Variants in RAB2A observed in about 807,000 individuals in gnomAD.
RAB2A encodes RAB2A, member RAS oncogene family.
A neutral mutation model predicts 32.5 loss-of-function variants in RAB2A; 7 were observed. The observed-to-expected ratio is 0.22, with a 90% CI of 0.12 to 0.40. The LOEUF (loss-of-function observed/expected upper bound fraction) is 0.40, where lower values mean the gene tolerates loss of function less well. RAB2A is among the 10% of genes least tolerant of loss of function. The pLI is 1.00. For synonymous variants in RAB2A, 79 were observed against 85.2 expected, an observed-to-expected ratio of 0.93 and a Z score of 0.40; for missense variants, 108 against 260.7, an observed-to-expected ratio of 0.41 and a Z score of 4.03.
intron 1 of RAB2A, among the ~76,000 whole-genome samples, chr8:60,533,996 C>T (rs1807519967): frequency 6.6e-6 from 1 of 151,966 alleles, no homozygotes; most frequent in Admixed American, 6.6e-5. Flanking sequence ...ACAACAACAA[C>T]AACAAAAAGA....
At chr8:60,584,682 A>G in intron 4 of RAB2A, 41 bp from the exon 5 acceptor site, 2 of 1,482,626 alleles carry the variant, frequency 1.3e-6, no homozygotes, top group Non-Finnish European at 1.9e-6. Flanking sequence ...TACTGAGGGA[A>G]ATGCTTTGAA....
In RAB2A at chr8:60,572,053, G is replaced by A. The variant is rs781309549; in HGVS notation, c.126G>A (p.Glu42=). The stretch of plus-strand genomic sequence containing the variant: ...ATTTCCTACTCTATTTAGGTGTAGA[G>A]TTCGGTGCTCGAATGATAACTATTG... The part of the protein sequence containing the change: ...QPVHDLTIGV[E]FGARMITIDG... The change falls in exon 3 of 8, where the codon GAG becomes GAA. Residue 42 remains glutamate, a synonymous_variant. Coordinates refer to ENST00000262646, the MANE Select transcript of RAB2A (RefSeq NM_002865.3). 31 of 1,468,410 alleles carry A rather than the reference G, an allele frequency of 2.1e-5. 1 individual carries two copies. The South Asian group carries it at 3.7e-4, about 18-fold the overall frequency. 91.0% of individuals were successfully genotyped at this position (1,468,410 alleles called of 1,614,324 possible).
chr8:60,530,203 C>CAG, intron 1 of RAB2A, among the ~76,000 whole-genome samples: 1 of 146,900 alleles, frequency 6.8e-6, no homozygotes, highest in Non-Finnish European at 1.5e-5. Flanking sequence ...GGCTGGAGTG[C>CAG]AGTGACACAG....
At chr8:60,605,032 A>G (rs1804201454) in intron 6 of RAB2A, among the ~76,000 whole-genome samples, 1 of 152,170 alleles carries the variant, frequency 6.6e-6, no homozygotes, top group South Asian at 2.1e-4. Context: ...GAGGCCTAGG[A>G]AGGAAGAATG....
intron 1 of RAB2A, among the ~76,000 whole-genome samples, chr8:60,536,248 A>G (rs1247241692): frequency 6.6e-6 from 1 of 152,192 alleles, no homozygotes; most frequent in African/African-American, 2.4e-5. Flanking sequence ...GTCTATGGGA[A>G]TTTAGCAGTT....
intron 1 of RAB2A, among the ~76,000 whole-genome samples, chr8:60,540,184 C>T (rs554640122): frequency 6.7e-6 from 1 of 150,006 alleles, no homozygotes; most frequent in African/African-American, 2.5e-5. Flanking sequence ...CTGTCTCATC[C>T]ATTCTCTTTT....
At chr8:60,561,884 A>T (rs1348021152) in intron 2 of RAB2A, among the ~76,000 whole-genome samples, 1 of 152,078 alleles carries the variant, frequency 6.6e-6, no homozygotes, top group Non-Finnish European at 1.5e-5. Flanking sequence ...TCATGTCCTT[A>T]TCTTTTGTCC....
chr8:60,567,036 T>C (rs916554555), intron 2 of RAB2A, among the ~76,000 whole-genome samples: 17 of 152,192 alleles, frequency 1.1e-4, no homozygotes, highest in Non-Finnish European at 2.5e-4. Flanking sequence ...CCTAATACCT[T>C]TGTAATATGT....
chr8:60,572,559 T>A lies in RAB2A; in HGVS notation c.186+446T>A, dbSNP rs554352325. 2.6e-5 allele frequency among the ~76,000 whole-genome samples: 4 copies of A among 152,342 alleles called. No individual in the cohort carries two copies. In the South Asian group the frequency reaches 8.3e-4, roughly 32 times the overall value. The stretch of plus-strand genomic sequence containing the variant: ...TTCTGTCATACCCTTGTTCATTGAG[T>A]ACCTATTACATGTCATACAATATTG... On this transcript the variant is annotated intron_variant, in intron 3 of 7. Coordinates refer to ENST00000262646, the MANE Select transcript of RAB2A (RefSeq NM_002865.3).
chr8:60,588,896 T>G (rs1263503511), intron 5 of RAB2A, among the ~76,000 whole-genome samples: 1 of 152,242 alleles, frequency 6.6e-6, no homozygotes, highest in East Asian at 1.9e-4. Context: ...GAGAAAATAT[T>G]ACCTAAGTGA....
chr8:60,573,197 C>T (rs1563474172), intron 3 of RAB2A, among the ~76,000 whole-genome samples: 1 of 152,150 alleles, frequency 6.6e-6, no homozygotes. Flanking sequence ...CTTCACAGAA[C>T]CCCAGTTGAG....
At chr8:60,532,830 G>A (rs927757360) in intron 1 of RAB2A, among the ~76,000 whole-genome samples, 6 of 152,168 alleles carry the variant, frequency 3.9e-5, no homozygotes, top group Admixed American at 6.5e-5. Flanking sequence ...ATTTTCAACC[G>A]GTTTAAGAAC....
chr8:60,570,899 C>G (rs778417645), intron 2 of RAB2A, among the ~76,000 whole-genome samples: 21 of 152,170 alleles, frequency 1.4e-4, no homozygotes, highest in Non-Finnish European at 2.8e-4. Context: ...GCAGTGTGCT[C>G]TTCTCTGGGA....
intron 2 of RAB2A, among the ~76,000 whole-genome samples, chr8:60,561,735 C>G (rs953318683): frequency 6.6e-6 from 1 of 152,196 alleles, no homozygotes; most frequent in African/African-American, 2.4e-5. Context: ...ATCTCTTGTT[C>G]TGTCCACTCT....
At chr8:60,586,776 A>G in intron 5 of RAB2A, among the ~76,000 whole-genome samples, 1 of 152,010 alleles carries the variant, frequency 6.6e-6, no homozygotes, top group East Asian at 1.9e-4. Context: ...ATAATTAAAA[A>G]AAACTAGCTA....
intron 1 of RAB2A, among the ~76,000 whole-genome samples, chr8:60,546,160 G>A (rs190915013): frequency 1.3e-5 from 2 of 152,216 alleles, no homozygotes; most frequent in Admixed American, 1.3e-4. Context: ...ACTAGAAGAG[G>A]TGGAGGGTGT....
chr8:60,587,426 T>C (rs138020682), intron 5 of RAB2A, among the ~76,000 whole-genome samples: 1,770 of 152,244 alleles, frequency 0.012, 35 homozygotes, highest in African/African-American at 0.041. Flanking sequence ...AGAAAACAAA[T>C]TGTAGTGACC....
intron 1 of RAB2A, among the ~76,000 whole-genome samples, chr8:60,530,956 C>A (rs1284258002): frequency 6.6e-6 from 1 of 152,208 alleles, no homozygotes; most frequent in Non-Finnish European, 1.5e-5. Context: ...TACTAGTGCA[C>A]ATGAACAATT....
intron 6 of RAB2A, among the ~76,000 whole-genome samples, chr8:60,615,513 A>T (rs1804434635): frequency 6.6e-6 from 1 of 152,216 alleles, no homozygotes; most frequent in Non-Finnish European, 1.5e-5. Context: ...TATGGGATTG[A>T]TATTTAATGA....
Sources: gnomAD v4.1 joint callset for allele counts (sites outside exome capture counted in the v4.1 genomes callset) on GRCh38, gnomAD v4.1.1 for gene constraint, MANE v1.5 for transcripts, NCBI Gene and HGNC (gene_info 2026-07-23, HGNC 2026-07-21) for gene names.